Variants in OPCML observed in about 807,000 individuals in gnomAD.
OPCML encodes opioid binding protein/cell adhesion molecule like, also known as opioid-binding protein/cell adhesion molecule.
A neutral mutation model predicts 37.8 loss-of-function variants in OPCML; 13 were observed. The observed-to-expected ratio is 0.34, with a 90% CI of 0.22 to 0.55. The LOEUF (loss-of-function observed/expected upper bound fraction) is 0.55, where lower values mean the gene tolerates loss of function less well. Ranked by LOEUF, OPCML falls within the 20% of genes least tolerant of loss-of-function variation. The probability of loss-of-function intolerance (pLI) is 0.91; values close to 1 mark genes in which losing one functional copy is unlikely to be tolerated. For missense variants in OPCML, 341 were observed against 435.6 expected, an observed-to-expected ratio of 0.78 and a Z score of 1.93; for synonymous variants, 176 against 168.8, an observed-to-expected ratio of 1.04 and a Z score of -0.33.
intron 3 of OPCML, among the ~76,000 whole-genome samples, chr11:132,577,871 C>G (rs1163243326): frequency 6.6e-6 from 1 of 151,922 alleles, no homozygotes; most frequent in Admixed American, 6.6e-5. Context: ...TATTTGATAC[C>G]AATCTTAGTG....
intron 2 of OPCML, among the ~76,000 whole-genome samples, chr11:132,744,393 G>A (rs1414695037): frequency 6.6e-6 from 1 of 152,142 alleles, no homozygotes; most frequent in African/African-American, 2.4e-5. Context: ...CATCATTCCA[G>A]TGTCCACCTC....
chr11:133,461,606 G>A (rs1442004762), intron 1 of OPCML, among the ~76,000 whole-genome samples: 1 of 151,770 alleles, frequency 6.6e-6, no homozygotes, highest in Non-Finnish European at 1.5e-5. Flanking sequence ...AACTTATACA[G>A]TGAAAACTAC....
At chr11:133,027,787 G>C in intron 1 of OPCML, among the ~76,000 whole-genome samples, 1 of 10,698 alleles carries the variant, frequency 9.3e-5, no homozygotes, top group Non-Finnish European at 2.0e-4. Flanking sequence ...TATGTAGTAT[G>C]TGGTGTGTGT....
intron 2 of OPCML, among the ~76,000 whole-genome samples, chr11:132,936,363 C>A (rs1197441411): frequency 6.6e-6 from 1 of 152,058 alleles, no homozygotes; most frequent in Non-Finnish European, 1.5e-5. Context: ...ACCATGTGAC[C>A]AAAGGTAAGT....
At chr11:132,933,430 G>C (rs1301999636) in intron 2 of OPCML, among the ~76,000 whole-genome samples, 1 of 152,206 alleles carries the variant, frequency 6.6e-6, no homozygotes, top group Non-Finnish European at 1.5e-5. Context: ...AGCAGGCAGA[G>C]AAAGGACAAG....
At chr11:133,202,229 C>T (rs932029235) in intron 1 of OPCML, among the ~76,000 whole-genome samples, 3 of 152,194 alleles carry the variant, frequency 2.0e-5, no homozygotes, top group African/African-American at 7.2e-5. Context: ...TGAAGCCATC[C>T]TTCCCTCCTG....
chr11:132,802,658 G>A (rs759068058), intron 2 of OPCML, among the ~76,000 whole-genome samples: 1 of 152,056 alleles, frequency 6.6e-6, no homozygotes, highest in Non-Finnish European at 1.5e-5. Context: ...AATATTCACT[G>A]GACGACTCTA....
At chr11:133,266,168 C>G (rs1240053508) in intron 1 of OPCML, among the ~76,000 whole-genome samples, 1 of 152,152 alleles carries the variant, frequency 6.6e-6, no homozygotes, top group Admixed American at 6.5e-5. Flanking sequence ...CAATATAAGT[C>G]TTTATGCAAG....
intron 4 of OPCML, among the ~76,000 whole-genome samples, chr11:132,469,877 G>T: frequency 9.1e-6 from 1 of 109,688 alleles, no homozygotes; most frequent in Non-Finnish European, 2.0e-5. Context: ...GTGTGTATGT[G>T]TGGGAGGTGT....
At chr11:132,798,318 G>A (rs978824244) in intron 2 of OPCML, among the ~76,000 whole-genome samples, 3 of 151,970 alleles carry the variant, frequency 2.0e-5, no homozygotes, top group Non-Finnish European at 4.4e-5. Context: ...TGATCCACCC[G>A]CCTCAGCCTC....
chr11:133,156,761 C>T (rs1197262973), intron 1 of OPCML, among the ~76,000 whole-genome samples: 1 of 152,138 alleles, frequency 6.6e-6, no homozygotes, highest in Admixed American at 6.5e-5. Context: ...GGAATCCCCA[C>T]AACAGAAAAT....
intron 3 of OPCML, among the ~76,000 whole-genome samples, chr11:132,646,140 G>T (rs1318163352): frequency 6.6e-6 from 1 of 152,088 alleles, no homozygotes; most frequent in African/African-American, 2.4e-5. Flanking sequence ...TACTGCTCAG[G>T]TGATGGGTGC....
At chr11:133,135,810 G>GT (rs1446200767) in intron 1 of OPCML, among the ~76,000 whole-genome samples, 7 of 152,268 alleles carry the variant, frequency 4.6e-5, no homozygotes, top group Non-Finnish European at 7.4e-5. Flanking sequence ...TCCGCAAATA[G>GT]CGGAACCAAA....
At chr11:132,824,142 T>C (rs572966462) in intron 2 of OPCML, among the ~76,000 whole-genome samples, 15 of 152,338 alleles carry the variant, frequency 9.8e-5, no homozygotes, top group African/African-American at 3.4e-4. Flanking sequence ...CATTTTAGCT[T>C]ATTTTATCTA....
chr11:133,234,310 C>G lies in OPCML; in HGVS notation c.62-291300G>C, dbSNP rs531434867. On this transcript the variant is annotated intron_variant, in intron 1 of 7. Transcript: ENST00000524381. ...CTTCTTTCCATGAATAACCAAACCT[C>G]TGGTCTCTGGAAATGGCCCTAAAAC... is the stretch of plus-strand genomic sequence containing the variant. Among the ~76,000 whole-genome samples the G allele has an allele frequency of 7.0e-4, 106 of 152,306 alleles. 1 individual carries two copies. The South Asian group carries it at 0.022, about 31-fold the overall frequency.
intron 1 of OPCML, among the ~76,000 whole-genome samples, chr11:133,229,231 T>G (rs1940170431): frequency 6.6e-6 from 1 of 152,210 alleles, no homozygotes; most frequent in South Asian, 2.1e-4. Context: ...ATTTCATGAT[T>G]GGAGGGCAGC....
chr11:132,605,175 T>G (rs1938197452), intron 3 of OPCML, among the ~76,000 whole-genome samples: 1 of 152,174 alleles, frequency 6.6e-6, no homozygotes, highest in South Asian at 2.1e-4. Context: ...CACAGAAGCA[T>G]TGCATGGGCT....
intron 2 of OPCML, among the ~76,000 whole-genome samples, chr11:132,893,375 CT>C (rs1943724958): frequency 6.6e-6 from 1 of 152,220 alleles, no homozygotes; most frequent in Non-Finnish European, 1.5e-5. Flanking sequence ...GTTACCGCCC[CT>C]GCCCCACCCC....
chr11:132,681,751 C>T (rs747549992), intron 2 of OPCML, among the ~76,000 whole-genome samples: 3 of 151,950 alleles, frequency 2.0e-5, no homozygotes, highest in Admixed American at 2.0e-4. Flanking sequence ...GTCAGGAGAT[C>T]GAGACCATCC....
Sources: allele counts gnomAD v4.1 joint callset (sites outside exome capture counted in the v4.1 genomes callset), GRCh38; gene constraint gnomAD v4.1.1; transcripts MANE v1.5; gene names NCBI Gene and HGNC (gene_info 2026-07-23, HGNC 2026-07-21).